ATRN: variants seen among roughly 807,000 people sequenced by gnomAD.
ATRN encodes the protein attractin, also known as attractin-2.
Under a neutral mutation model 178.7 loss-of-function variants are expected in ATRN, and 54 were observed. The ratio of observed to expected loss-of-function variants is 0.30; its 90% CI spans 0.24 to 0.38. ATRN has a LOEUF of 0.38. Ranked by LOEUF, ATRN falls within the 10% of genes least tolerant of loss-of-function variation. The pLI, the probability that ATRN is intolerant of heterozygous loss-of-function variation, is 1.00. For missense variants in ATRN, 1,443 were observed against 1,815.1 expected (o/e 0.79, Z 3.73); for synonymous variants, 636 against 663.0 (o/e 0.96, Z 0.63).
chr20:3,549,125 T>C (rs533610281), intron 5 of ATRN, 45 bp from the exon 6 acceptor site: 4 of 1,501,756 alleles, frequency 2.7e-6, no homozygotes, highest in Admixed American at 4.5e-5. Context: ...TGCAGTAAGC[T>C]TTAAAGCTGT....
chr20:3,580,404 C>G (rs1408677153), intron 15 of ATRN, among the ~76,000 whole-genome samples: 1 of 152,212 alleles, frequency 6.6e-6, no homozygotes, highest in Non-Finnish European at 1.5e-5. Flanking sequence ...CAGAAATTCA[C>G]AGTCTTAATG....
At chr20:3,504,105 C>T (rs192618092) in intron 1 of ATRN, among the ~76,000 whole-genome samples, 27 of 152,118 alleles carry the variant, frequency 1.8e-4, no homozygotes, top group African/African-American at 6.0e-4. Context: ...TATGAAAACA[C>T]GAAGAAGGAC....
intron 25 of ATRN, among the ~76,000 whole-genome samples, chr20:3,627,149 C>T (rs142026635): frequency 6.6e-6 from 1 of 152,322 alleles, no homozygotes; most frequent in East Asian, 1.9e-4. Flanking sequence ...GAAGAAAATA[C>T]TGAAAACTTG....
At chr20:3,496,603 G>A (rs2084883113) in intron 1 of ATRN, among the ~76,000 whole-genome samples, 2 of 152,160 alleles carry the variant, frequency 1.3e-5, no homozygotes, top group South Asian at 4.1e-4. Flanking sequence ...TAGGTGTGGT[G>A]TGGTGCTGGA....
chr20:3,615,945 A>G, intron 24 of ATRN: 1 of 378,190 alleles, frequency 2.6e-6, no homozygotes, highest in Non-Finnish European at 5.5e-6. Flanking sequence ...CTAATGTTAA[A>G]TGACGAGTTA....
intron 25 of ATRN, among the ~76,000 whole-genome samples, chr20:3,630,158 A>G (rs2086978864): frequency 6.6e-6 from 1 of 152,152 alleles, no homozygotes; most frequent in African/African-American, 2.4e-5. Flanking sequence ...TTAGCACACA[A>G]AAGACACTCC....
chr20:3,645,092 C>G lies in ATRN; in HGVS notation c.4165+824C>G, dbSNP rs140797454. On this transcript the variant is annotated intron_variant, in intron 28 of 28. Coordinates refer to ENST00000262919, the MANE Select transcript of ATRN (RefSeq NM_139321.3). The surrounding 1 kb of genome is among the most constrained non-coding windows in gnomAD (Gnocchi z 4.7). Reference sequence around the variant, plus strand: ...GTTTTGAAAGTATCTCGCTTAATTACAGAGTGCTTTGGAGGATGCCTCAAT... The same window carrying G: ...GTTTTGAAAGTATCTCGCTTAATTAGAGAGTGCTTTGGAGGATGCCTCAAT... Among the ~76,000 whole-genome samples, 38 of 152,322 alleles carry G rather than the reference C, an allele frequency of 2.5e-4. No individual in the cohort carries two copies. The highest frequency in any genetic ancestry group is 1.5e-4 in the Non-Finnish European group (10 of 68,022).
chr20:3,645,966 G>A lies in ATRN; in HGVS notation c.4166-757G>A, dbSNP rs1269403989. ...GAAAATGGGATTGCAAGTCCCCAAA[G>A]CAAAGTGGGCGGCGGGGCAGTGATG... On this transcript the variant is annotated intron_variant, in intron 28 of 28. Transcript: ENST00000262919. This position sits in a 1 kb window ranked among gnomAD's most constrained non-coding sequence, Gnocchi z 4.7. Among the ~76,000 whole-genome samples the A allele has an allele frequency of 1.3e-5, 2 of 152,202 alleles. No homozygotes were observed.
intron 1 of ATRN, chr20:3,490,371 C>T: frequency 1.0e-6 from 1 of 992,992 alleles, no homozygotes; most frequent in Non-Finnish European, 1.6e-6. Flanking sequence ...TCTTCTCAAA[C>T]TCAGCCTGAA....
intron 24 of ATRN, among the ~76,000 whole-genome samples, chr20:3,621,002 C>T (rs2086893070): frequency 6.6e-6 from 1 of 152,024 alleles, no homozygotes; most frequent in Admixed American, 6.6e-5. Flanking sequence ...TTAAGCTCAT[C>T]AGCACTATCG....
chr20:3,624,444 A>G (rs1030624555), intron 24 of ATRN, 67 bp from the exon 25 acceptor site: 1 of 1,346,478 alleles, frequency 7.4e-7, no homozygotes, highest in South Asian at 1.2e-5. Context: ...AACTCTTGAA[A>G]TGAGAAGCGT....
chr20:3,561,302 G>A (rs1285830074), intron 8 of ATRN, among the ~76,000 whole-genome samples: 2 of 152,102 alleles, frequency 1.3e-5, no homozygotes, highest in African/African-American at 2.4e-5. Flanking sequence ...CAGCCTGGGG[G>A]ACAGAGTGAG....
At chr20:3,536,382 G>A (rs2146181940) in intron 2 of ATRN, among the ~76,000 whole-genome samples, 1 of 151,844 alleles carries the variant, frequency 6.6e-6, no homozygotes, top group South Asian at 2.1e-4. Flanking sequence ...CTAAGTTTTT[G>A]TATCTTGTAG....
intron 1 of ATRN, chr20:3,490,981 G>A (rs143912473): frequency 1.2e-5 from 19 of 1,536,318 alleles, no homozygotes; most frequent in Admixed American, 1.7e-5. Flanking sequence ...TGATAGCGCC[G>A]CTGCTGCTCC....
intron 13 of ATRN, 120 bp from the exon 14 acceptor site, chr20:3,576,739 A>G (rs374767697): frequency 5.8e-5 from 48 of 821,102 alleles, no homozygotes; most frequent in Middle Eastern, 2.4e-4. Context: ...CTATCTGTCT[A>G]TCTATTTATT....
chr20:3,627,342 A>C (rs540234912), intron 25 of ATRN, among the ~76,000 whole-genome samples: 1 of 152,368 alleles, frequency 6.6e-6, no homozygotes, highest in Admixed American at 6.5e-5. Context: ...TCCAATGTGC[A>C]GCTAAGGTTG....
At chr20:3,512,107 A>ATATATATATATATATTTT in intron 1 of ATRN, among the ~76,000 whole-genome samples, 4 of 106,396 alleles carry the variant, frequency 3.8e-5, no homozygotes, top group Non-Finnish European at 7.2e-5. Context: ...ATATATATAT[A>ATATATATATATATATTTT]TTTTTTTTTT....
chr20:3,533,834 A>T (rs151515), intron 1 of ATRN, among the ~76,000 whole-genome samples: 40,623 of 151,984 alleles, frequency 0.27, 5,990 homozygotes, highest in African/African-American at 0.33. Context: ...ATTCTTTTTT[A>T]AAAATAGATA....
Position 3,592,642 on chromosome 20 carries a change from T to C in ATRN, c.3322+1336T>C, listed in dbSNP as rs868457610. On this transcript the variant is annotated intron_variant, in intron 19 of 28. Transcript: ENST00000262919. ...GGGAAATCTCTACCTACTCCCCAGA[T>C]CCCAACTCCAAACTCTTTGGCATGG... Among the ~76,000 whole-genome samples, 42 of 152,256 alleles carry C rather than the reference T, an allele frequency of 2.8e-4. 1 individual carries two copies. Among genetic ancestry groups the C allele is most frequent in the African/African-American group, 9.4e-4 (39 of 41,532 alleles).
Sources: gnomAD v4.1 joint callset for allele counts (sites outside exome capture counted in the v4.1 genomes callset) on GRCh38, gnomAD v4.1.1 for gene constraint, Gnocchi (gnomAD v3.1) non-coding constraint, MANE v1.5 for transcripts, NCBI Gene and HGNC (gene_info 2026-07-23, HGNC 2026-07-21) for gene names.